Variants in CEP72 observed in about 807,000 individuals in gnomAD.
CEP72 encodes the protein centrosomal protein 72.
A neutral mutation model predicts 65.7 loss-of-function variants in CEP72; 78 were observed. That is an observed-to-expected ratio of 1.19 (90% CI 0.99 to 1.43). The LOEUF (loss-of-function observed/expected upper bound fraction) is 1.43. Ranked by LOEUF, CEP72 falls within the 40% of genes most tolerant of loss-of-function variation. The pLI, the probability that CEP72 is intolerant of heterozygous loss-of-function variation, is 0.00. For missense variants in CEP72, 914 were observed against 832.9 expected, an observed-to-expected ratio of 1.10 and a Z score of -1.20; for synonymous variants, 358 against 351.7, an observed-to-expected ratio of 1.02 and a Z score of -0.20.
downstream of CEP72, among the ~76,000 whole-genome samples, chr5:654,298 G>A (rs1390474398): frequency 6.7e-6 from 1 of 148,704 alleles, no homozygotes; most frequent in Non-Finnish European, 1.5e-5. Context: ...GTGTGCAGTT[G>A]CTGTGTGCTA....
chr5:624,086 G>T lies in CEP72; in HGVS notation c.404-385G>T, dbSNP rs1197350710. ...CCCAGCCCTAAGCACAGACCCAAAAGGCCTCCTGGAAGTTGCAGCCTCTCG... is the reference window on the plus strand; with the variant it reads ...CCCAGCCCTAAGCACAGACCCAAAATGCCTCCTGGAAGTTGCAGCCTCTCG... On this transcript the variant is annotated intron_variant, in intron 3 of 11. Coordinates refer to ENST00000264935, the MANE Select transcript of CEP72 (RefSeq NM_018140.4). This position sits in a 1 kb window ranked among gnomAD's most constrained non-coding sequence, Gnocchi z 4.7. Among the ~76,000 whole-genome samples the T allele has an allele frequency of 1.3e-5, 2 of 152,174 alleles. No homozygotes were observed. The highest frequency in any genetic ancestry group is 2.9e-5 in the Non-Finnish European group (2 of 68,030).
rs940067983 is a variant in CEP72, at chr5:623,063, T to C, written c.404-1408T>C. On this transcript the variant is annotated intron_variant, in intron 3 of 11. Coordinates refer to ENST00000264935, the MANE Select transcript of CEP72 (RefSeq NM_018140.4). The surrounding 1 kb of genome is among the most constrained non-coding windows in gnomAD (Gnocchi z 5.3). ...TCTGTAGAGAAGGAGCGCGGCCGTC[T>C]CCCTCTTAGTGTTTCTGCAGAGAAG... 5.9e-5 allele frequency among the ~76,000 whole-genome samples: 9 copies of C among 151,376 alleles called. No individual in the cohort carries two copies. Among genetic ancestry groups the C allele is most frequent in the Middle Eastern group, 3.4e-3 (1 of 292 alleles).
In CEP72 at chr5:624,374, G is replaced by A. The variant is rs953939005; in HGVS notation, c.404-97G>A. 1.2e-5 allele frequency: 10 copies of A among 801,776 alleles called. No homozygotes were observed. Among genetic ancestry groups the A allele is most frequent in the South Asian group, 4.5e-5 (3 of 67,388 alleles). 49.7% of individuals were successfully genotyped at this position (801,776 alleles called of 1,614,324 possible). A position where few individuals can be genotyped will look rare whatever the true frequency, so the allele number is the denominator to read the frequency against. On this transcript the variant is annotated intron_variant, in intron 3 of 11. Transcript: ENST00000264935. The surrounding 1 kb of genome is among the most constrained non-coding windows in gnomAD (Gnocchi z 4.7). ...GGTTAGTGGGAGCAGGGCTGGCCCC[G>A]AGGGGATGGACACCCTGCCCCGTGT... is the stretch of plus-strand genomic sequence containing the variant.
At chr5:612,660 T>C (rs749669335) in intron 1 of CEP72, 10 of 971,428 alleles carry the variant, frequency 1.0e-5, no homozygotes, top group Non-Finnish European at 1.2e-5. Flanking sequence ...GGTCCCGGCG[T>C]CCCGGCCCCT....
At chr5:673,133 C>T in the CEP72 span, among the ~76,000 whole-genome samples, 2 of 151,892 alleles carry the variant, frequency 1.3e-5, no homozygotes, top group South Asian at 2.1e-4. Flanking sequence ...CAGTGGGCAC[C>T]CCCTCCCCAA....
At chr5:621,483 G>A (rs1039172783) in intron 3 of CEP72, among the ~76,000 whole-genome samples, 2 of 152,264 alleles carry the variant, frequency 1.3e-5, no homozygotes, top group Admixed American at 6.5e-5. Context: ...GGTACTGCCC[G>A]TTGTGGGCGT....
chr5:627,317 G>A (rs564231899), intron 4 of CEP72, among the ~76,000 whole-genome samples: 1 of 152,326 alleles, frequency 6.6e-6, no homozygotes, highest in African/African-American at 2.4e-5. Context: ...GGGATCTGTG[G>A]TGATAACCCC....
intron 11 of CEP72, among the ~76,000 whole-genome samples, chr5:649,068 A>G (rs1458888616): frequency 9.5e-5 from 13 of 136,208 alleles, no homozygotes; most frequent in African/African-American, 2.8e-4. Flanking sequence ...TGAGGTGTGG[A>G]CTGTGAGGTG....
At position 624,370 on chromosome 5, in the gene CEP72, C is replaced by T. The variant is rs1029607066; in HGVS notation, c.404-101C>T. On this transcript the variant is annotated intron_variant, in intron 3 of 11. Coordinates refer to ENST00000264935, the MANE Select transcript of CEP72 (RefSeq NM_018140.4). The surrounding 1 kb of genome is among the most constrained non-coding windows in gnomAD (Gnocchi z 4.7). ...GCTAGGTTAGTGGGAGCAGGGCTGG[C>T]CCCGAGGGGATGGACACCCTGCCCC... 25 of 766,006 alleles carry T rather than the reference C, an allele frequency of 3.3e-5. No individual in the cohort carries two copies. The highest frequency in any genetic ancestry group is 2.3e-5 in the Non-Finnish European group (10 of 438,466). 47.5% of individuals were successfully genotyped at this position (766,006 alleles called of 1,614,324 possible).
chr5:633,695 C>T (rs1399155238), intron 4 of CEP72, 74 bp from the exon 5 acceptor site: 2 of 1,437,010 alleles, frequency 1.4e-6, no homozygotes, highest in African/African-American at 1.4e-5. Flanking sequence ...CAGGAATTTT[C>T]CTTCTCCTGG....
chr5:622,424 A>G (rs981175130), intron 3 of CEP72, among the ~76,000 whole-genome samples: 3 of 152,228 alleles, frequency 2.0e-5, no homozygotes, highest in Non-Finnish European at 4.4e-5. Flanking sequence ...ATGGGAGGGC[A>G]GCAACTGGGG....
rs1738375540 is a variant in CEP72 at position 645,783 on chromosome 5, C to G, written c.1666+1358C>G. ...TTTGTTACTCGGTCTTAAATGTATG[C>G]ATAGCTCCCATTTATTTTAGTGTTT... On this transcript the variant is annotated intron_variant, in intron 10 of 11. Coordinates refer to ENST00000264935, the MANE Select transcript of CEP72 (RefSeq NM_018140.4). The surrounding 1 kb of genome is among the most constrained non-coding windows in gnomAD (Gnocchi z 4.0). Among the ~76,000 whole-genome samples the G allele has an allele frequency of 6.6e-6, 1 of 152,262 alleles. No individual in the cohort carries two copies. Among genetic ancestry groups the G allele is most frequent in the Admixed American group, 6.5e-5 (1 of 15,290 alleles).
chr5:647,880 T>C lies in CEP72; in HGVS notation c.1742T>C (p.Ile581Thr). The C allele has an allele frequency of 1.2e-6, 2 of 1,612,494 alleles. No homozygotes were observed. Among genetic ancestry groups the C allele is most frequent in the Non-Finnish European group, 1.7e-6 (2 of 1,179,920 alleles). Reference protein sequence around the residue: ...LKQHLEHYDKIQELTQMLQES... With the variant: ...LKQHLEHYDKTQELTQMLQES... ...CAGCACCTGGAGCACTACGACAAGA[T>C]CCAGGAGCTCACGCAGATGCTGCAG... Residue 581 changes from isoleucine to threonine, a missense_variant, in exon 11 of 12, where the codon ATC (isoleucine) becomes ACC (threonine). Coordinates refer to ENST00000264935, the MANE Select transcript of CEP72 (RefSeq NM_018140.4).
Position 645,768 on chromosome 5 carries a change from G to A in CEP72, c.1666+1343G>A, listed in dbSNP as rs1013159655. 4.6e-5 allele frequency among the ~76,000 whole-genome samples: 7 copies of A among 152,240 alleles called. No homozygotes were observed. Among genetic ancestry groups the A allele is most frequent in the South Asian group, 4.1e-4 (2 of 4,826 alleles). On this transcript the variant is annotated intron_variant, in intron 10 of 11. Coordinates refer to ENST00000264935, the MANE Select transcript of CEP72 (RefSeq NM_018140.4). This position sits in a 1 kb window ranked among gnomAD's most constrained non-coding sequence, Gnocchi z 4.0. The stretch of plus-strand genomic sequence containing the variant: ...ATAGTCTAACTTGTCTTTGTTACTC[G>A]GTCTTAAATGTATGCATAGCTCCCA...
Position 635,438 on chromosome 5 carries a change from G to T in CEP72, c.758G>T (p.Arg253Leu), listed in dbSNP as rs757978028. Residue 253 changes from arginine to leucine, a missense_variant, in exon 6 of 12, where the codon CGT becomes CTT. Coordinates refer to ENST00000264935, the MANE Select transcript of CEP72 (RefSeq NM_018140.4). ...YQCGDSGKQGRETRRSSCRGC... is the reference protein window; with the variant it reads ...YQCGDSGKQGLETRRSSCRGC... ...TGTGGGGACTCTGGGAAGCAGGGCC[G>T]TGAGACGAGGAGGAGCAGCTGCAGA... 1.2e-6 allele frequency: 2 copies of T among 1,614,100 alleles called. No homozygotes were observed. Among genetic ancestry groups the T allele is most frequent in the South Asian group, 1.1e-5 (1 of 91,082 alleles).
At chr5:655,410 C>T (rs1215073274), downstream of CEP72, 1 of 152,134 alleles carries the variant, frequency 6.6e-6, no homozygotes, top group African/African-American at 2.4e-5. This position sits in a 1 kb window ranked among gnomAD's most constrained non-coding sequence, Gnocchi z 5.0. Context: ...TTTTATATCC[C>T]ATTATGTTCA....
At position 640,562 on chromosome 5, in the gene CEP72, G is replaced by T; in HGVS notation, c.1497G>T (p.Met499Ile). The change falls in exon 9 of 12, where the codon ATG (methionine) becomes ATT (isoleucine). Residue 499 changes from methionine to isoleucine, a missense_variant. Met to Ile is a conservative substitution (Grantham distance 10). Coordinates refer to ENST00000264935, the MANE Select transcript of CEP72 (RefSeq NM_018140.4). The part of the protein sequence containing the change: ...AEQQQQHARE[M>I]SEVTAELHHT... ...AGCAGCAGCAGCACGCCCGGGAGATGAGCGAGGTGACGGCGGAGCTGCACC... is the reference window on the plus strand; with the variant it reads ...AGCAGCAGCAGCACGCCCGGGAGATTAGCGAGGTGACGGCGGAGCTGCACC... 6.2e-7 allele frequency: 1 copy of T among 1,613,930 alleles called. No individual in the cohort carries two copies. Among genetic ancestry groups the T allele is most frequent in the Non-Finnish European group, 8.5e-7 (1 of 1,180,032 alleles).
chr5:629,257 C>T (rs1218701553), intron 4 of CEP72, among the ~76,000 whole-genome samples: 1 of 152,274 alleles, frequency 6.6e-6, no homozygotes, highest in Non-Finnish European at 1.5e-5. Context: ...TGAAAACATT[C>T]TCCCTGAATG....
intron 4 of CEP72, among the ~76,000 whole-genome samples, chr5:627,991 C>T (rs1028859420): frequency 5.9e-5 from 9 of 152,186 alleles, no homozygotes; most frequent in African/African-American, 9.7e-5. Flanking sequence ...GGGCACGGAG[C>T]GTCACTCGGT....
Sources: gnomAD v4.1 joint callset for allele counts (sites outside exome capture counted in the v4.1 genomes callset) on GRCh38, gnomAD v4.1.1 for gene constraint, Gnocchi (gnomAD v3.1) non-coding constraint, MANE v1.5 for transcripts, NCBI Gene and HGNC (gene_info 2026-07-23, HGNC 2026-07-21) for gene names.